TTLL4: variants seen among roughly 807,000 people sequenced by gnomAD.
The protein encoded by TTLL4 is tubulin tyrosine ligase like 4, also known as tubulin monoglutamylase TTLL4.
TTLL4 carries 85 observed loss-of-function variants against 122.7 expected under a neutral mutation model. The ratio of observed to expected loss-of-function variants is 0.69; its 90% CI spans 0.58 to 0.83. The LOEUF is 0.83. Among genes scored for constraint, TTLL4 ranks in the 40% least tolerant of loss-of-function variants. The pLI is 0.00. For missense variants in TTLL4, 1,363 were observed against 1,488.6 expected, an observed-to-expected ratio of 0.92 and a Z score of 1.39; for synonymous variants, 553 against 563.0, an observed-to-expected ratio of 0.98 and a Z score of 0.25.
chr2:218,747,513 T>G lies in TTLL4; in HGVS notation c.2250-84T>G. 6.3e-7 allele frequency: 1 copy of G among 1,583,312 alleles called. No homozygotes were observed. Among genetic ancestry groups the G allele is most frequent in the South Asian group, 1.1e-5 (1 of 87,088 alleles). Reference sequence around the variant, plus strand: ...GTTCTAAGGTCTTTATCTTGGGGACTGTTAGCTGGCTTTTCCTGTGGCTTG... The same window carrying G: ...GTTCTAAGGTCTTTATCTTGGGGACGGTTAGCTGGCTTTTCCTGTGGCTTG... On this transcript the variant is annotated intron_variant, in intron 10 of 19. Coordinates refer to ENST00000392102, the MANE Select transcript of TTLL4 (RefSeq NM_014640.5). The surrounding 1 kb of genome is among the most constrained non-coding windows in gnomAD (Gnocchi z 4.7).
chr2:218,753,793 C>G, intron 19 of TTLL4, 124 bp downstream of exon 19: 2 of 1,039,860 alleles, frequency 1.9e-6, no homozygotes, highest in South Asian at 1.4e-5. Context: ...GTGGGAGCGT[C>G]AGGACATGCA....
intron 2 of TTLL4, among the ~76,000 whole-genome samples, chr2:218,731,940 C>A (rs970612840): frequency 3.9e-5 from 6 of 152,182 alleles, no homozygotes; most frequent in African/African-American, 1.4e-4. Context: ...CCCTGTTTGC[C>A]CCTTAAGCCC....
At chr2:218,755,994 C>T (rs553321326), downstream of TTLL4, among the ~76,000 whole-genome samples, 2 of 152,246 alleles carry the variant, frequency 1.3e-5, no homozygotes, top group South Asian at 4.1e-4. Flanking sequence ...ACTTTAAAGT[C>T]GGGCCATAAT....
chr2:218,735,514 C>T lies in TTLL4; in HGVS notation c.-98-2065C>T, dbSNP rs143933157. On this transcript the variant is annotated intron_variant, in intron 2 of 19. Transcript: ENST00000392102. ...ATTTGAGTCCAGGAGTCTGAGGCTG[C>T]AGTGAGCCATGTTTGTGCCACTGCA... 3.3e-5 allele frequency among the ~76,000 whole-genome samples: 5 copies of T among 152,262 alleles called. No homozygotes were observed. The East Asian group carries it at 9.7e-4, about 29-fold the overall frequency.
In TTLL4 at chr2:218,748,093, CCTTA is replaced by C. The variant is rs746570528; in HGVS notation, c.2379-8_2379-5del. 1 of 1,614,070 alleles carries C rather than the reference CCTTA, an allele frequency of 6.2e-7. No homozygotes were observed. ...ACCATCTTACCTCTGCCTTTTGTTTCCTTACTTCCAGGTATTCGCCTTCCATGAA... is the reference window on the plus strand; with the variant it reads ...ACCATCTTACCTCTGCCTTTTGTTTCCTTCCAGGTATTCGCCTTCCATGAA... On this transcript the variant is annotated splice_polypyrimidine_tract_variant and splice_region_variant and intron_variant, in intron 11 of 19. Coordinates refer to ENST00000392102, the MANE Select transcript of TTLL4 (RefSeq NM_014640.5).
chr2:218,749,288 A>G lies in TTLL4; in HGVS notation c.2636A>G (p.Tyr879Cys). 4.3e-6 allele frequency: 7 copies of G among 1,614,090 alleles called. No homozygotes were observed. The highest frequency in any genetic ancestry group is 1.3e-5 in the African/African-American group (1 of 74,994). Reference protein sequence around the residue: ...EPYVTSLLKMYVRRPYSCHEL... With the variant: ...EPYVTSLLKMCVRRPYSCHEL... ...TATGTGACCAGCCTGCTCAAGATGT[A>G]TGTGCGACGGCCCTATAGCTGCCAT... The change falls in exon 14 of 20, where the codon TAT (tyrosine) becomes TGT (cysteine). Residue 879 changes from tyrosine to cysteine, a missense_variant. Tyr to Cys is a radical substitution (Grantham distance 194). This residue lies in a region of TTLL4 where 596 missense variants were observed against 655.8 expected (regional missense o/e 0.91). Coordinates refer to ENST00000392102, the MANE Select transcript of TTLL4 (RefSeq NM_014640.5).
chr2:218,748,221 A>G lies in TTLL4; in HGVS notation c.2495A>G (p.His832Arg), dbSNP rs918255852. 1 of 1,614,126 alleles carries G rather than the reference A, an allele frequency of 6.2e-7. No individual in the cohort carries two copies. The highest frequency in any genetic ancestry group is 8.5e-7 in the Non-Finnish European group (1 of 1,180,002). Residue 832 changes from histidine (H) to arginine (R), a missense_variant, in exon 12 of 20, where the codon CAC becomes CGC. Around this residue, in one of 3 missense-constraint regions of TTLL4, gnomAD observed 596 missense variants for 655.8 expected, o/e 0.91. Transcript: ENST00000392102. ...ANADEMACQG[H>R]KWALKALWNY... ...GCAGATGAAATGGCTTGCCAGGGCC[A>G]CAAATGGTACTGAGGGCAGAGTGTC...
rs542929090 is a variant in TTLL4, at chr2:218,712,687, C to T, written c.-178+1650C>T. 9.2e-5 allele frequency among the ~76,000 whole-genome samples: 14 copies of T among 152,168 alleles called. No homozygotes were observed. The South Asian group carries it at 2.7e-3, about 29-fold the overall frequency. ...CAGGTGTGAGCCACCGCGCCCGGCC[C>T]CAATGAACTCTTTTTCTAAAACTTC... On this transcript the variant is annotated intron_variant, in intron 1 of 19. Transcript: ENST00000392102.
chr2:218,715,390 T>C (rs1941827579), intron 1 of TTLL4, among the ~76,000 whole-genome samples: 1 of 152,218 alleles, frequency 6.6e-6, no homozygotes, highest in Admixed American at 6.5e-5. Context: ...TTTCATACTT[T>C]GTTATGTTAA....
intron 1 of TTLL4, among the ~76,000 whole-genome samples, chr2:218,720,338 G>A (rs893160915): frequency 6.6e-6 from 1 of 152,188 alleles, no homozygotes. Flanking sequence ...AAGGGGTTGG[G>A]TACAGCTGTG....
Position 218,740,133 on chromosome 2 carries a change from CTG to C in TTLL4, c.1565_1566del (p.Cys522LeufsTer2). ...AAGAACTAGTAGATGGTTTGGAAGA[CTG>C]TTGTAGCCGTGATGAGAATGAAGAG... Reference protein sequence around the residue: ...EEELVDGLEDCCSRDENEEEE... With the variant: ...EEELVDGLEDXCSRDENEEEE... On this transcript the variant is annotated frameshift_variant, in exon 4 of 20. Coordinates refer to ENST00000392102, the MANE Select transcript of TTLL4 (RefSeq NM_014640.5). LOFTEE classifies it high-confidence loss of function. The C allele has an allele frequency of 6.2e-7, 1 of 1,614,188 alleles. No individual in the cohort carries two copies. Among genetic ancestry groups the C allele is most frequent in the Non-Finnish European group, 8.5e-7 (1 of 1,180,038 alleles).
At chr2:218,718,174 T>C (rs7586384) in intron 1 of TTLL4, among the ~76,000 whole-genome samples, 80,961 of 151,906 alleles carry the variant, frequency 0.53, 23,132 homozygotes, top group African/African-American at 0.73. Flanking sequence ...GTCCTGAGTT[T>C]CCCTGGTGAC....
In TTLL4 at chr2:218,740,164, G is replaced by A; in HGVS notation, c.1594G>A (p.Glu532Lys). 1 of 1,614,132 alleles carries A rather than the reference G, an allele frequency of 6.2e-7. No homozygotes were observed. The highest frequency in any genetic ancestry group is 8.5e-7 in the Non-Finnish European group (1 of 1,179,990). The change falls in exon 4 of 20, where the codon GAG becomes AAG. Residue 532 changes from glutamate to lysine, a missense_variant. Physicochemically the swap from Glu to Lys is moderately conservative, Grantham distance 56. Transcript: ENST00000392102. ...CCSRDENEEEEGDSECSSLSA... is the reference protein window; with the variant it reads ...CCSRDENEEEKGDSECSSLSA... ...TAGCCGTGATGAGAATGAAGAGGAG[G>A]AGGGTGAGTAGGAAACCCTTTCACT...
At position 218,749,383 on chromosome 2, in the gene TTLL4, C is replaced by T; in HGVS notation, c.2731C>T (p.Pro911Ser). 1 of 1,614,126 alleles carries T rather than the reference C, an allele frequency of 6.2e-7. No individual in the cohort carries two copies. The highest frequency in any genetic ancestry group is 1.1e-5 in the South Asian group (1 of 91,080). ...CTGGGTCCTGGAAGTCAACATTTCC[C>T]CAAGGTAGGTGGTATTCTCAGGACA... is the stretch of plus-strand genomic sequence containing the variant. ...KPWVLEVNISPSLHSSSPLDI... is the reference protein window; with the variant it reads ...KPWVLEVNISSSLHSSSPLDI... The change falls in exon 14 of 20, where the codon CCA (proline) becomes TCA (serine). Residue 911 changes from proline to serine, a missense_variant. Physicochemically the swap from Pro to Ser is moderately conservative, Grantham distance 74. Coordinates refer to ENST00000392102, the MANE Select transcript of TTLL4 (RefSeq NM_014640.5).
chr2:218,755,846 C>T (rs1036292115), downstream of TTLL4, among the ~76,000 whole-genome samples: 1 of 152,114 alleles, frequency 6.6e-6, no homozygotes, highest in African/African-American at 2.4e-5. Context: ...GGGTGGGGCC[C>T]TGGAAAGATC....
At chr2:218,741,454 C>A in intron 5 of TTLL4, among the ~76,000 whole-genome samples, 1 of 152,136 alleles carries the variant, frequency 6.6e-6, no homozygotes, top group South Asian at 2.1e-4. Flanking sequence ...TTCTCTGCCT[C>A]GTTTAGCATG....
chr2:218,745,571 A>AC (rs1942818550), intron 6 of TTLL4, 120 bp from the exon 7 acceptor site: 2 of 716,602 alleles, frequency 2.8e-6, no homozygotes, highest in Non-Finnish European at 2.5e-6. Flanking sequence ...ATCTGGAGCA[A>AC]TAGTTAGTGA....
chr2:218,712,577 C>CG (rs1442071411), intron 1 of TTLL4, among the ~76,000 whole-genome samples: 22 of 152,072 alleles, frequency 1.4e-4, no homozygotes, highest in African/African-American at 5.1e-4. Context: ...TTAGTAGAGA[C>CG]GGGGTTTCAC....
chr2:218,753,266 G>A (rs1240183380), intron 18 of TTLL4, 81 bp downstream of exon 18: 2 of 1,434,836 alleles, frequency 1.4e-6, no homozygotes, highest in African/African-American at 2.8e-5. Context: ...GAGTTGGGTT[G>A]GTATGTATAG....
Sources: gnomAD v4.1 joint callset for allele counts (sites outside exome capture counted in the v4.1 genomes callset) on GRCh38, gnomAD v4.1.1 for gene constraint, gnomAD v4.1.1 regional missense constraint, Gnocchi (gnomAD v3.1) non-coding constraint, MANE v1.5 for transcripts, NCBI Gene and HGNC (gene_info 2026-07-23, HGNC 2026-07-21) for gene names.